ANKRD45: variants seen among roughly 807,000 people sequenced by gnomAD.
ANKRD45 encodes the protein ankyrin repeat domain-containing protein 45.
A neutral mutation model predicts 28.1 loss-of-function variants in ANKRD45; 21 were observed. The ratio of observed to expected loss-of-function variants is 0.75; its 90% CI spans 0.53 to 1.08. ANKRD45 has a LOEUF of 1.08. Among genes scored for constraint, ANKRD45 ranks in the 50% least tolerant of loss-of-function variants. The pLI is 0.00. For synonymous variants in ANKRD45, 86 were observed against 103.9 expected, an observed-to-expected ratio of 0.83 and a Z score of 1.05; for missense variants, 261 against 308.7, an observed-to-expected ratio of 0.85 and a Z score of 1.16.
chr1:173,617,598 C>T (rs1667518960), intron 5 of ANKRD45, among the ~76,000 whole-genome samples: 1 of 152,248 alleles, frequency 6.6e-6, no homozygotes, highest in South Asian at 2.1e-4. Flanking sequence ...ACAGCAACTC[C>T]AGCCAGGGTT....
At chr1:173,709,129 C>T in the ANKRD45 span, among the ~76,000 whole-genome samples, 2 of 152,246 alleles carry the variant, frequency 1.3e-5, no homozygotes, top group East Asian at 1.9e-4. Context: ...TTCCCTGGAA[C>T]ATTCCTCCTT....
At chr1:173,635,532 A>G (rs1024513336) in intron 3 of ANKRD45, 10 of 1,522,700 alleles carry the variant, frequency 6.6e-6, no homozygotes, top group Non-Finnish European at 8.8e-6. Context: ...ATGTCTAATC[A>G]AAGACTACCG....
At chr1:173,709,245 A>G in the ANKRD45 span, among the ~76,000 whole-genome samples, 1 of 152,292 alleles carries the variant, frequency 6.6e-6, no homozygotes, top group South Asian at 2.1e-4. Context: ...CATGTTGCTA[A>G]TGGCAGGATT....
At chr1:173,692,982 C>T in the ANKRD45 span, among the ~76,000 whole-genome samples, 2 of 151,828 alleles carry the variant, frequency 1.3e-5, no homozygotes, top group African/African-American at 4.8e-5. Context: ...TATATTTTAA[C>T]GTTAAAAATA....
chr1:173,698,295 T>TGAACTCAGCTCTGCAC, the ANKRD45 span, among the ~76,000 whole-genome samples: 1 of 152,192 alleles, frequency 6.6e-6, no homozygotes, highest in African/African-American at 2.4e-5. Flanking sequence ...ATCCAGGACT[T>TGAACTCAGCTCTGCAC]GAACTCAGCT....
At chr1:173,623,711 A>T (rs1450237451) in intron 5 of ANKRD45, among the ~76,000 whole-genome samples, 1 of 152,182 alleles carries the variant, frequency 6.6e-6, no homozygotes, top group Admixed American at 6.5e-5. Context: ...AATCAACCCA[A>T]ATGCCTATCA....
At chr1:173,648,337 G>C (rs1669028395) in intron 2 of ANKRD45, among the ~76,000 whole-genome samples, 1 of 152,186 alleles carries the variant, frequency 6.6e-6, no homozygotes, top group African/African-American at 2.4e-5. Context: ...GCCTCCCAAA[G>C]TGCTAGGATT....
chr1:173,689,759 T>C, the ANKRD45 span, among the ~76,000 whole-genome samples: 2 of 152,084 alleles, frequency 1.3e-5, no homozygotes, highest in Non-Finnish European at 2.9e-5. Flanking sequence ...TCTGCATATT[T>C]TCCCGGTGAT....
the ANKRD45 span, among the ~76,000 whole-genome samples, chr1:173,688,799 C>G: frequency 6.6e-6 from 1 of 151,790 alleles, no homozygotes; most frequent in African/African-American, 2.4e-5. Context: ...CTGTCTCTCT[C>G]TCTCTTTCTG....
chr1:173,668,819 A>G (rs368643486), intron 1 of ANKRD45, among the ~76,000 whole-genome samples: 6 of 152,330 alleles, frequency 3.9e-5, no homozygotes, highest in African/African-American at 1.4e-4. Flanking sequence ...TAACCTTGCT[A>G]CATATAACTG....
upstream of ANKRD45, among the ~76,000 whole-genome samples, chr1:173,673,307 T>C (rs1347441608): frequency 6.6e-6 from 1 of 152,060 alleles, no homozygotes; most frequent in East Asian, 1.9e-4. Flanking sequence ...GAGATGGGGT[T>C]ACACCATGTT....
At chr1:173,629,934 CAT>C (rs1396308107) in intron 3 of ANKRD45, among the ~76,000 whole-genome samples, 1 of 152,112 alleles carries the variant, frequency 6.6e-6, no homozygotes, top group Non-Finnish European at 1.5e-5. Context: ...AAACCAATAA[CAT>C]ATAACGGAAC....
At chr1:173,666,314 C>T (rs1335666037) in intron 1 of ANKRD45, among the ~76,000 whole-genome samples, 1 of 152,098 alleles carries the variant, frequency 6.6e-6, no homozygotes, top group Non-Finnish European at 1.5e-5. Context: ...CATTTCTCAG[C>T]CTCCATAATC....
the ANKRD45 span, among the ~76,000 whole-genome samples, chr1:173,675,046 GA>G: frequency 6.6e-6 from 1 of 151,512 alleles, no homozygotes; most frequent in East Asian, 1.9e-4. Flanking sequence ...AAGGAAGGAG[GA>G]AAAACAACAA....
intron 5 of ANKRD45, chr1:173,612,528 C>T (rs868187253): frequency 6.6e-6 from 1 of 152,260 alleles, no homozygotes; most frequent in Non-Finnish European, 1.5e-5. Flanking sequence ...TAAGATACCA[C>T]TTCATACCCA....
At chr1:173,708,681 TGGAATGA>T in the ANKRD45 span, among the ~76,000 whole-genome samples, 1 of 152,240 alleles carries the variant, frequency 6.6e-6, no homozygotes, top group Admixed American at 6.5e-5. Context: ...TCCAATAATG[TGGAATGA>T]CTTTCTATCT....
At chr1:173,682,763 T>C in the ANKRD45 span, among the ~76,000 whole-genome samples, 1 of 151,100 alleles carries the variant, frequency 6.6e-6, no homozygotes, top group African/African-American at 2.4e-5. Flanking sequence ...CTTTAACTAT[T>C]GAGCTCCTTT....
At chr1:173,684,257 T>G in the ANKRD45 span, among the ~76,000 whole-genome samples, 1 of 152,184 alleles carries the variant, frequency 6.6e-6, no homozygotes, top group Non-Finnish European at 1.5e-5. Flanking sequence ...TTGAACATAC[T>G]GACATATTAA....
At chr1:173,698,108 A>C in the ANKRD45 span, among the ~76,000 whole-genome samples, 3 of 152,222 alleles carry the variant, frequency 2.0e-5, no homozygotes, top group African/African-American at 7.2e-5. Context: ...CAACAAGAAG[A>C]GCTAACTATT....
Sources: gnomAD v4.1 joint callset for allele counts (sites outside exome capture counted in the v4.1 genomes callset) on GRCh38, gnomAD v4.1.1 for gene constraint, MANE v1.5 for transcripts, NCBI Gene and HGNC (gene_info 2026-07-23, HGNC 2026-07-21) for gene names.